Variants in CELF2 observed in about 807,000 individuals in gnomAD.
CELF2 encodes CUG triplet repeat RNA-binding protein 2.
A neutral mutation model predicts 62.6 loss-of-function variants in CELF2; 8 were observed. That is an observed-to-expected ratio of 0.13 (90% confidence interval 0.07 to 0.23). The LOEUF (loss-of-function observed/expected upper bound fraction) is 0.23, where lower values mean the gene tolerates loss of function less well. CELF2 is among the 10% of genes least tolerant of loss of function. The pLI is 1.00. For synonymous variants in CELF2, 258 were observed against 250.0 expected, an observed-to-expected ratio of 1.03 and a Z score of -0.30; for missense variants, 333 against 671.0, an observed-to-expected ratio of 0.50 and a Z score of 5.56.
chr10:10,550,458 T>C, the CELF2 span, among the ~76,000 whole-genome samples: 566 of 152,306 alleles, frequency 3.7e-3, 7 homozygotes, highest in Non-Finnish European at 3.6e-3. Context: ...CTGGATGGCA[T>C]AGGCTTTTGA....
the CELF2 span, among the ~76,000 whole-genome samples, chr10:10,475,495 A>G: frequency 6.6e-6 from 1 of 151,108 alleles, no homozygotes. Context: ...AAAAAAAGTA[A>G]TTTTCTACTT....
chr10:11,189,764 T>G (rs1308323621), intron 2 of CELF2, among the ~76,000 whole-genome samples: 1 of 152,224 alleles, frequency 6.6e-6, no homozygotes, highest in Admixed American at 6.5e-5. Flanking sequence ...CTGGTTCTTT[T>G]CTCACAGTGC....
chr10:10,907,977 T>G, intron 1 of CELF2, among the ~76,000 whole-genome samples: 1 of 152,140 alleles, frequency 6.6e-6, no homozygotes, highest in East Asian at 1.9e-4. Context: ...TTATTTCAAA[T>G]GGGTAAAATG....
rs981983578 is a variant in CELF2 at position 11,242,491 on chromosome 10, G to A, written c.355-6662G>A. Among the ~76,000 whole-genome samples the A allele has an allele frequency of 7.2e-5, 11 of 152,316 alleles. No homozygotes were observed. Among genetic ancestry groups the A allele is most frequent in the African/African-American group, 1.7e-4 (7 of 41,580 alleles). On this transcript the variant is annotated intron_variant, in intron 3 of 12. Transcript: ENST00000633077. The surrounding 1 kb of genome is among the most constrained non-coding windows in gnomAD (Gnocchi z 4.8). ...CCCACGAGGTTGTGTCCATAGTGGCGACTCTGGAGAGTATAGCTGCTGGGT... is the reference window on the plus strand; with the variant it reads ...CCCACGAGGTTGTGTCCATAGTGGCAACTCTGGAGAGTATAGCTGCTGGGT...
At chr10:10,754,150 CTT>C in the CELF2 span, among the ~76,000 whole-genome samples, 1 of 83,156 alleles carries the variant, frequency 1.2e-5, no homozygotes. Context: ...ACACTTTTTT[CTT>C]TTTTTTTTTT....
chr10:11,210,218 T>C (rs1289165428), intron 2 of CELF2, among the ~76,000 whole-genome samples: 1 of 152,172 alleles, frequency 6.6e-6, no homozygotes, highest in African/African-American at 2.4e-5. Flanking sequence ...AGAAAAAATA[T>C]ATAGAGAGCT....
At position 11,263,798 on chromosome 10, in the gene CELF2, A is replaced by T. The variant is rs545571015; in HGVS notation, c.539-2800A>T. ...TGTTTTCAGTGGTGTTGAAACAAAA[A>T]CTAAAAATCTATCCATAGGACTTAC... On this transcript the variant is annotated intron_variant, in intron 5 of 12. Coordinates refer to ENST00000633077, the MANE Select transcript of CELF2 (RefSeq NM_001326342.2). 1.4e-4 allele frequency among the ~76,000 whole-genome samples: 21 copies of T among 152,354 alleles called. No homozygotes were observed. The South Asian group carries it at 3.9e-3, about 29-fold the overall frequency.
At chr10:11,100,385 T>C (rs946824195) in intron 1 of CELF2, among the ~76,000 whole-genome samples, 2 of 149,066 alleles carry the variant, frequency 1.3e-5, no homozygotes, top group Non-Finnish European at 3.0e-5. Context: ...AAATTTTTAC[T>C]CCAGTAGTTT....
rs1004109684 is a variant in CELF2, at chr10:11,268,501, A to G, written c.618+1824A>G. Among the ~76,000 whole-genome samples, 1 of 152,192 alleles carries G rather than the reference A, an allele frequency of 6.6e-6. No individual in the cohort carries two copies. The highest frequency in any genetic ancestry group is 1.5e-5 in the Non-Finnish European group (1 of 68,028). On this transcript the variant is annotated intron_variant, in intron 6 of 12. Transcript: ENST00000633077. This position sits in a 1 kb window ranked among gnomAD's most constrained non-coding sequence, Gnocchi z 4.7. ...GGAGGACTCTGGATCATAAAGCAGA[A>G]CTGGGCATGAACCAGGCTGAGAAAC...
At chr10:10,913,885 A>AGGAAG (rs141260316) in intron 1 of CELF2, among the ~76,000 whole-genome samples, 16 of 27,938 alleles carry the variant, frequency 5.7e-4, no homozygotes, top group African/African-American at 5.6e-4. Flanking sequence ...GAAGGAAGGA[A>AGGAAG]GAAGGAAGGG....
intron 2 of CELF2, among the ~76,000 whole-genome samples, chr10:11,210,348 G>A (rs933686669): frequency 3.3e-5 from 5 of 152,178 alleles, no homozygotes; most frequent in Middle Eastern, 3.2e-3. Flanking sequence ...GGACAGGCCC[G>A]TCTTGACCCT....
rs968405021 is a variant in CELF2 at position 11,242,674 on chromosome 10, G to A, written c.355-6479G>A. Among the ~76,000 whole-genome samples, 2 of 152,176 alleles carry A rather than the reference G, an allele frequency of 1.3e-5. No homozygotes were observed. Among genetic ancestry groups the A allele is most frequent in the African/African-American group, 4.8e-5 (2 of 41,430 alleles). On this transcript the variant is annotated intron_variant, in intron 3 of 12. Coordinates refer to ENST00000633077, the MANE Select transcript of CELF2 (RefSeq NM_001326342.2). The surrounding 1 kb of genome is among the most constrained non-coding windows in gnomAD (Gnocchi z 4.8). Reference sequence around the variant, plus strand: ...TTTTCATTTTCATGAGTCACAGCTGGGGCCTTGTGGGAAGAATCGAAGGTC... The same window carrying A: ...TTTTCATTTTCATGAGTCACAGCTGAGGCCTTGTGGGAAGAATCGAAGGTC...
intron 1 of CELF2, among the ~76,000 whole-genome samples, chr10:11,082,077 CCTTG>C (rs2074177717): frequency 6.6e-6 from 1 of 152,084 alleles, no homozygotes; most frequent in African/African-American, 2.4e-5. Flanking sequence ...GGGCTGCATC[CCTTG>C]CTTCTGTTTG....
chr10:10,972,539 C>T lies in CELF2; in HGVS notation c.89+52540C>T, dbSNP rs2050861463. 6.6e-6 allele frequency among the ~76,000 whole-genome samples: 1 copy of T among 152,118 alleles called. No individual in the cohort carries two copies. The highest frequency in any genetic ancestry group is 2.4e-5 in the African/African-American group (1 of 41,408). Reference sequence around the variant, plus strand: ...CAGCTTTCTGCTTTGACCCACTGCTCTTCTTTCTATATATTTACTCCCTGG... The same window carrying T: ...CAGCTTTCTGCTTTGACCCACTGCTTTTCTTTCTATATATTTACTCCCTGG... On this transcript the variant is annotated intron_variant, in intron 2 of 13. Coordinates refer to the CELF2 transcript ENST00000636488. The surrounding 1 kb of genome is among the most constrained non-coding windows in gnomAD (Gnocchi z 4.4).
intron 1 of CELF2, among the ~76,000 whole-genome samples, chr10:11,050,475 C>T (rs1594071542): frequency 6.6e-6 from 1 of 152,308 alleles, no homozygotes; most frequent in East Asian, 1.9e-4. Flanking sequence ...CTGGCTTGAA[C>T]ATGGAGTGTC....
rs11818978 is a variant in CELF2 at position 11,255,388 on chromosome 10, G to A, written c.404-2350G>A. Among the ~76,000 whole-genome samples, 3,412 of 152,158 alleles carry A rather than the reference G, an allele frequency of 0.022. 139 individuals carry two copies. Among genetic ancestry groups the A allele is most frequent in the African/African-American group, 0.078 (3,245 of 41,494 alleles). On this transcript the variant is annotated intron_variant, in intron 4 of 12. Transcript: ENST00000633077. The surrounding 1 kb of genome is among the most constrained non-coding windows in gnomAD (Gnocchi z 5.5). ...GGAAGATGGGGCGTGCCATCCTGAG[G>A]TCGGGCTGCTTTCCGCCATCCACCC...
chr10:11,193,452 T>A (rs1402226993), intron 2 of CELF2, among the ~76,000 whole-genome samples: 2 of 152,188 alleles, frequency 1.3e-5, no homozygotes, highest in Admixed American at 1.3e-4. Flanking sequence ...AGAAGAAAAT[T>A]TCGCCACAAA....
chr10:11,167,014 G>C (rs1358604070), intron 2 of CELF2, among the ~76,000 whole-genome samples: 1 of 152,230 alleles, frequency 6.6e-6, no homozygotes, highest in African/African-American at 2.4e-5. Context: ...TCCAAACGTA[G>C]TAGCAAGGTT....
chr10:10,564,621 G>A, the CELF2 span, among the ~76,000 whole-genome samples: 3 of 146,958 alleles, frequency 2.0e-5, no homozygotes, highest in Admixed American at 6.8e-5. Flanking sequence ...TTCTAAGACC[G>A]GTATGTCTTG....
Sources: allele counts gnomAD v4.1 joint callset (sites outside exome capture counted in the v4.1 genomes callset), GRCh38; gene constraint gnomAD v4.1.1; non-coding constraint Gnocchi (gnomAD v3.1); transcripts MANE v1.5; gene names NCBI Gene and HGNC (gene_info 2026-07-23, HGNC 2026-07-21).